Variants in FAT2 observed in about 807,000 individuals in gnomAD.
The protein encoded by FAT2 is FAT atypical cadherin 2.
FAT2 carries 150 observed loss-of-function variants against 295.3 expected under a neutral mutation model. The ratio of observed to expected loss-of-function variants is 0.51; its 90% CI spans 0.44 to 0.58. FAT2 has a LOEUF of 0.58. FAT2 is among the 20% of genes least tolerant of loss of function. The pLI, the probability that FAT2 is intolerant of heterozygous loss-of-function variation, is 0.00. For missense variants in FAT2, 4,868 were observed against 5,442.7 expected, an observed-to-expected ratio of 0.89 and a Z score of 3.32; for synonymous variants, 2,026 against 2,150.3, an observed-to-expected ratio of 0.94 and a Z score of 1.60.
At position 151,567,130 on chromosome 5, in the gene FAT2, A is replaced by G. The variant is rs756042151; in HGVS notation, c.1802T>C (p.Ile601Thr). Residue 601 changes from isoleucine (I) to threonine (T), a missense_variant, in exon 2 of 24, where the codon ATT becomes ACT. Coordinates refer to ENST00000261800, the MANE Select transcript of FAT2 (RefSeq NM_001447.3). The stretch of plus-strand genomic sequence containing the variant: ...ATACTCTAGTTCATTGCCTGATACA[A>G]TCTCGTATTTTAGGTTCTGAAGCTC... Reference protein sequence around the residue: ...VDELQNLKYEIVSGNELEYFD... With the variant: ...VDELQNLKYETVSGNELEYFD... 6 of 1,614,058 alleles carry G rather than the reference A, an allele frequency of 3.7e-6. No homozygotes were observed. In the Admixed American group the frequency reaches 6.7e-5, roughly 18 times the overall value.
Position 151,507,290 on chromosome 5 carries a change from T to A in FAT2, c.12381A>T (p.Glu4127Asp). ...PEPSKASVPN[E>D]LVTFGPNSKQ... ...TAGAATTGGGTCCAAATGTGACGAG[T>A]TCATTTGGAACAGAGGCCTTGCTGG... Residue 4127 changes from glutamate (E) to aspartate (D), a missense_variant, in exon 23 of 24, where the codon GAA (glutamate) becomes GAT (aspartate). Glu to Asp is a conservative substitution (Grantham distance 45). This residue lies in a region of FAT2 where 492 missense variants were observed against 482.6 expected (regional missense o/e 1.02). Transcript: ENST00000261800. 5 of 1,613,912 alleles carry A rather than the reference T, an allele frequency of 3.1e-6. No individual in the cohort carries two copies. The highest frequency in any genetic ancestry group is 4.2e-6 in the Non-Finnish European group (5 of 1,179,970).
chr5:151,545,845 G>C lies in FAT2; in HGVS notation c.5282C>G (p.Ser1761Ter), dbSNP rs2127613237. Reference protein sequence around the residue: ...ENDNAPMFLKSTFVGQISEAA... With the variant: ...ENDNAPMFLK ...TTCACTAATTTGGCCCACAAAAGTT[G>C]ACTTTAAGAACATAGGAGCATTGTC... The change falls in exon 10 of 24, where the codon TCA becomes TGA. Residue 1761 changes from serine to a stop codon, truncating the protein, a stop_gained. Transcript: ENST00000261800. LOFTEE classifies it high-confidence loss of function. 1 of 1,614,176 alleles carries C rather than the reference G, an allele frequency of 6.2e-7. No homozygotes were observed. The highest frequency in any genetic ancestry group is 8.5e-7 in the Non-Finnish European group (1 of 1,180,042).
chr5:151,521,734 C>A lies in FAT2; in HGVS notation c.10859G>T (p.Trp3620Leu). 1 of 1,614,034 alleles carries A rather than the reference C, an allele frequency of 6.2e-7. No individual in the cohort carries two copies. The highest frequency in any genetic ancestry group is 8.5e-7 in the Non-Finnish European group (1 of 1,180,032). ...TTTAGVHVYVWHVGQEALQQA... is the reference protein window; with the variant it reads ...TTTAGVHVYVLHVGQEALQQA... ...CTGCAGAGCCTCCTGCCCCACATGC[C>A]ACACGTACACATGGACCCCAGCAGT... The change falls in exon 19 of 24, where the codon TGG becomes TTG. Residue 3620 changes from tryptophan (W) to leucine (L), a missense_variant. Transcript: ENST00000261800.
intron 15 of FAT2, 71 bp downstream of exon 15, chr5:151,529,107 G>T: frequency 7.8e-7 from 1 of 1,286,432 alleles, no homozygotes; most frequent in Non-Finnish European, 1.1e-6. Flanking sequence ...ATAGATGGCT[G>T]GGTGTGGGGG....
At chr5:151,553,072 G>A (rs150168140) in intron 6 of FAT2, 105 bp downstream of exon 6, 567 of 1,170,490 alleles carry the variant, frequency 4.8e-4, no homozygotes, top group Admixed American at 1.4e-3. Flanking sequence ...GGCTGCCGAG[G>A]AGCCCGACCT....
rs557681805 is a variant in FAT2 at position 151,519,645 on chromosome 5, C to T, written c.11317+1631G>A. On this transcript the variant is annotated intron_variant, in intron 19 of 23. Coordinates refer to ENST00000261800, the MANE Select transcript of FAT2 (RefSeq NM_001447.3). ...TCTGAGATGGTGGTCATATTCTTTC[C>T]TTGATCTGGGCGTTGGCTACACAGA... 5.9e-5 allele frequency among the ~76,000 whole-genome samples: 9 copies of T among 152,278 alleles called. No homozygotes were observed. In the East Asian group the frequency reaches 1.7e-3, roughly 29 times the overall value.
chr5:151,532,808 A>C (rs1247905176), intron 13 of FAT2, among the ~76,000 whole-genome samples: 1 of 152,206 alleles, frequency 6.6e-6, no homozygotes, highest in African/African-American at 2.4e-5. Context: ...AGTGAGATGA[A>C]CACACGCCCT....
intron 1 of FAT2, among the ~76,000 whole-genome samples, chr5:151,590,628 G>A (rs1302407431): frequency 3.3e-5 from 5 of 152,184 alleles, no homozygotes; most frequent in Non-Finnish European, 2.9e-5. Flanking sequence ...AATCTCAGCA[G>A]CTACAGGAGA....
intron 18 of FAT2, among the ~76,000 whole-genome samples, chr5:151,522,752 A>G (rs1753607205): frequency 6.6e-6 from 1 of 152,228 alleles, no homozygotes; most frequent in South Asian, 2.1e-4. Flanking sequence ...CAGAGGGAGC[A>G]GCAAGTGTAA....
chr5:151,581,627 T>A (rs190755955), intron 1 of FAT2, among the ~76,000 whole-genome samples: 2 of 152,336 alleles, frequency 1.3e-5, no homozygotes, highest in Admixed American at 1.3e-4. Context: ...TAAGCTAGCT[T>A]ACAGCAACCT....
chr5:151,535,030 A>G (rs1755115527), intron 12 of FAT2, among the ~76,000 whole-genome samples: 1 of 139,364 alleles, frequency 7.2e-6, no homozygotes, highest in South Asian at 2.4e-4. Context: ...CAACCCAAAG[A>G]TAAAAATCTA....
Position 151,546,344 on chromosome 5 carries a change from C to G in FAT2, c.4790-7G>C. On this transcript the variant is annotated splice_polypyrimidine_tract_variant and splice_region_variant and intron_variant, in intron 9 of 23. Transcript: ENST00000261800. ...AAGAAACCTTCGCTGTTCCCTGAAA[C>G]AGAAGACAAGACAAACAAGTTTGCC... 2 of 1,605,626 alleles carry G rather than the reference C, an allele frequency of 1.2e-6. No individual in the cohort carries two copies. The highest frequency in any genetic ancestry group is 1.7e-6 in the Non-Finnish European group (2 of 1,175,724).
intron 17 of FAT2, 92 bp downstream of exon 17, chr5:151,527,142 T>C (rs773009891): frequency 3.3e-5 from 43 of 1,294,606 alleles, no homozygotes; most frequent in Non-Finnish European, 4.6e-5. Context: ...ACAGTCATTG[T>C]TCATGTGGAC....
Position 151,566,849 on chromosome 5 carries a change from T to C in FAT2, c.2083A>G (p.Ser695Gly). 6.2e-7 allele frequency: 1 copy of C among 1,614,192 alleles called. No homozygotes were observed. Residue 695 changes from serine (S) to glycine (G), a missense_variant, in exon 2 of 24, where the codon AGT becomes GGT. Around this residue, in one of 5 missense-constraint regions of FAT2, gnomAD observed 3,297 missense variants for 3,669.4 expected, o/e 0.90. Coordinates refer to ENST00000261800, the MANE Select transcript of FAT2 (RefSeq NM_001447.3). Reference sequence around the variant, plus strand: ...CTTAAAGAAGTGAATTCCTCATCACTGGACTCCTGGTTCTGAAGCCCAATA... The same window carrying C: ...CTTAAAGAAGTGAATTCCTCATCACCGGACTCCTGGTTCTGAAGCCCAATA... The part of the protein sequence containing the change: ...HFIGLQNQES[S>G]DEEFTSLSTY...
At chr5:151,506,249 T>G in intron 23 of FAT2, 152 bp from the exon 24 acceptor site, 1 of 775,614 alleles carries the variant, frequency 1.3e-6, no homozygotes, top group Admixed American at 3.7e-5. Flanking sequence ...TGGCTTACGT[T>G]GATAACATAG....
Position 151,567,890 on chromosome 5 carries a change from T to C in FAT2, c.1042A>G (p.Arg348Gly). 1 of 1,614,100 alleles carries C rather than the reference T, an allele frequency of 6.2e-7. No individual in the cohort carries two copies. The highest frequency in any genetic ancestry group is 8.5e-7 in the Non-Finnish European group (1 of 1,180,006). ...GSGPYFYSQI[R>G]GFHLPPSKLS... ...TTGGAAGGTGGTAGGTGAAAGCCCCTGATCTGGGAATAAAAATAAGGGCCG... is the reference window on the plus strand; with the variant it reads ...TTGGAAGGTGGTAGGTGAAAGCCCCCGATCTGGGAATAAAAATAAGGGCCG... Residue 348 changes from arginine to glycine, a missense_variant, in exon 2 of 24, where the codon AGG becomes GGG. Arg to Gly is a moderately radical substitution (Grantham distance 125, BLOSUM62 -2). This residue lies in a region of FAT2 where 3,297 missense variants were observed against 3,669.4 expected (regional missense o/e 0.90). Transcript: ENST00000261800.
chr5:151,525,116 G>A (rs1363820234), intron 18 of FAT2, among the ~76,000 whole-genome samples: 2 of 152,158 alleles, frequency 1.3e-5, no homozygotes, highest in Non-Finnish European at 2.9e-5. Flanking sequence ...GTCGAGAGAT[G>A]GACTGACTGA....
Position 151,531,820 on chromosome 5 carries a change from C to G in FAT2, c.9578G>C (p.Gly3193Ala). The G allele has an allele frequency of 1.9e-6, 3 of 1,613,788 alleles. No homozygotes were observed. The South Asian group carries it at 3.3e-5, about 18-fold the overall frequency. ...CAGCGTGGACAGCGGTATTGGGGTG[C>G]CCAGGTCAGAGGCACGGACCGTGAG... is the stretch of plus-strand genomic sequence containing the variant. ...LELTVRASDL[G>A]TPIPLSTLGT... Residue 3193 changes from glycine (G) to alanine (A), a missense_variant, in exon 14 of 24, where the codon GGC becomes GCC. Around this residue, in one of 5 missense-constraint regions of FAT2, gnomAD observed 1,046 missense variants for 1,210.1 expected, o/e 0.86. Coordinates refer to ENST00000261800, the MANE Select transcript of FAT2 (RefSeq NM_001447.3). The surrounding 1 kb of genome is among the most constrained non-coding windows in gnomAD (Gnocchi z 5.7).
chr5:151,526,262 T>C (rs1431922049), intron 17 of FAT2, among the ~76,000 whole-genome samples: 1 of 152,202 alleles, frequency 6.6e-6, no homozygotes, highest in Non-Finnish European at 1.5e-5. Flanking sequence ...GAGAGATGAC[T>C]TGCTCAAGAT....
Sources: gnomAD v4.1 joint callset for allele counts (sites outside exome capture counted in the v4.1 genomes callset) on GRCh38, gnomAD v4.1.1 for gene constraint, gnomAD v4.1.1 regional missense constraint, Gnocchi (gnomAD v3.1) non-coding constraint, MANE v1.5 for transcripts, NCBI Gene and HGNC (gene_info 2026-07-23, HGNC 2026-07-21) for gene names.